GRIN2A: variants seen among roughly 807,000 people sequenced by gnomAD.
GRIN2A encodes the protein glutamate receptor ionotropic, NMDA 2A.
Under a neutral mutation model 113.4 loss-of-function variants are expected in GRIN2A, and 22 were observed. The ratio of observed to expected loss-of-function variants is 0.19; its 90% confidence interval spans 0.14 to 0.28. The LOEUF (loss-of-function observed/expected upper bound fraction) is 0.28. Among genes scored for constraint, GRIN2A ranks in the 10% least tolerant of loss-of-function variants. The pLI is 1.00. For synonymous variants in GRIN2A, 827 were observed against 738.4 expected (o/e 1.12, Z -1.94); for missense variants, 1,502 against 1,887.0 (o/e 0.80, Z 3.78).
intron 2 of GRIN2A, among the ~76,000 whole-genome samples, chr16:10,073,847 C>T (rs921934224): frequency 1.2e-4 from 17 of 143,932 alleles, no homozygotes; most frequent in Middle Eastern, 3.6e-3. Flanking sequence ...GCCTGGGAGG[C>T]GGAGGTTGCA....
chr16:9,787,579 G>A (rs1187307879), intron 11 of GRIN2A, among the ~76,000 whole-genome samples: 3 of 152,190 alleles, frequency 2.0e-5, no homozygotes, highest in Non-Finnish European at 2.9e-5. Context: ...CCTGGGTCAT[G>A]GCCCTCACAT....
At chr16:10,155,329 T>C (rs370618034) in intron 2 of GRIN2A, among the ~76,000 whole-genome samples, 62 of 152,276 alleles carry the variant, frequency 4.1e-4, no homozygotes, top group African/African-American at 1.4e-3. Flanking sequence ...AGAAAATGAA[T>C]ATCCTTGTTG....
At chr16:10,013,224 T>C (rs1193796397) in intron 2 of GRIN2A, among the ~76,000 whole-genome samples, 1 of 152,252 alleles carries the variant, frequency 6.6e-6, no homozygotes, top group Non-Finnish European at 1.5e-5. Context: ...ATTGGATTTT[T>C]ACAGCCTCTG....
Position 9,763,546 on chromosome 16 carries a change from G to T in GRIN2A, c.3998C>A (p.Ser1333Ter). The T allele has an allele frequency of 6.2e-7, 1 of 1,613,980 alleles. No individual in the cohort carries two copies. The highest frequency in any genetic ancestry group is 1.1e-5 in the South Asian group (1 of 91,070). ...NFYGSLFSVP[S>*]SKLSGKKSSL... ...GCTTTTTTTCCCCGAGAGTTTGCTT[G>T]AGGGGACACTAAACAGGCTGCCGTA... Residue 1333 changes from serine to a stop codon, truncating the protein, a stop_gained, in exon 13 of 13, where the codon TCA becomes TAA. Coordinates refer to ENST00000330684, the MANE Select transcript of GRIN2A (RefSeq NM_001134407.3). LOFTEE classifies it high-confidence loss of function.
At chr16:10,129,695 C>T (rs1442152007) in intron 2 of GRIN2A, among the ~76,000 whole-genome samples, 1 of 152,190 alleles carries the variant, frequency 6.6e-6, no homozygotes, top group Non-Finnish European at 1.5e-5. Flanking sequence ...GATTATGGTG[C>T]TCCTTCTAGG....
At chr16:9,992,493 T>C (rs2046137594) in intron 2 of GRIN2A, among the ~76,000 whole-genome samples, 1 of 152,206 alleles carries the variant, frequency 6.6e-6, no homozygotes, top group Admixed American at 6.5e-5. Context: ...GGCCAATATA[T>C]TTCTCAGTTC....
In GRIN2A at chr16:9,755,341, CA is replaced by C. The variant is rs1349187938; in HGVS notation, c.*7807del. 1 of 186,550 alleles carries C rather than the reference CA, an allele frequency of 5.4e-6. No individual in the cohort carries two copies. The highest frequency in any genetic ancestry group is 1.1e-5 in the Non-Finnish European group (1 of 88,320). The allele number at this position is 186,550 out of a possible 1,614,324, so 11.6% of individuals were successfully genotyped here. On this transcript the variant is annotated 3_prime_UTR_variant, in exon 13 of 13. Coordinates refer to ENST00000330684, the MANE Select transcript of GRIN2A (RefSeq NM_001134407.3). ...CGTTCTTTGGAGTGCTCCATTTCTG[CA>C]TAGCTCAACATTCCAAGGAGAACAT...
chr16:9,986,149 C>T (rs1479979394), intron 2 of GRIN2A, among the ~76,000 whole-genome samples: 1 of 151,894 alleles, frequency 6.6e-6, no homozygotes, highest in African/African-American at 2.4e-5. Context: ...AGCATTGTTC[C>T]TTCTGGCTGG....
Position 10,112,576 on chromosome 16 carries a change from A to T in GRIN2A, c.414+67422T>A, listed in dbSNP as rs899022670. On this transcript the variant is annotated intron_variant, in intron 2 of 12. Coordinates refer to ENST00000330684, the MANE Select transcript of GRIN2A (RefSeq NM_001134407.3). Reference sequence around the variant, plus strand: ...CCACCACGGAGGCCCAGCGGCGAGTACTTCTTCTCAGACAGGGTGCAGCTC... The same window carrying T: ...CCACCACGGAGGCCCAGCGGCGAGTTCTTCTTCTCAGACAGGGTGCAGCTC... The T allele has an allele frequency of 3.9e-6, 3 of 771,662 alleles. No homozygotes were observed. The African/African-American group carries it at 5.1e-5, about 13-fold the overall frequency. The allele number at this position is 771,662 out of a possible 1,614,324, so 47.8% of individuals were successfully genotyped here.
At chr16:9,840,291 C>G (rs1053348530) in intron 7 of GRIN2A, among the ~76,000 whole-genome samples, 1 of 151,994 alleles carries the variant, frequency 6.6e-6, no homozygotes, top group Non-Finnish European at 1.5e-5. Flanking sequence ...GGAAGAGCCC[C>G]TTATTAAACC....
At chr16:10,058,708 G>A (rs962107099) in intron 2 of GRIN2A, among the ~76,000 whole-genome samples, 1 of 152,186 alleles carries the variant, frequency 6.6e-6, no homozygotes, top group Non-Finnish European at 1.5e-5. Context: ...CCGTTTATGT[G>A]ATTTATATGT....
At chr16:9,830,802 T>C (rs2042478921) in intron 8 of GRIN2A, among the ~76,000 whole-genome samples, 1 of 152,256 alleles carries the variant, frequency 6.6e-6, no homozygotes, top group African/African-American at 2.4e-5. Flanking sequence ...AATTCTCTTA[T>C]TCTCAATCTC....
At chr16:9,999,487 C>T (rs1347136478) in intron 2 of GRIN2A, among the ~76,000 whole-genome samples, 1 of 152,062 alleles carries the variant, frequency 6.6e-6, no homozygotes, top group Non-Finnish European at 1.5e-5. Context: ...CAAACTAACA[C>T]AAGAACAGAA....
At chr16:9,812,723 T>C (rs979481415) in intron 10 of GRIN2A, among the ~76,000 whole-genome samples, 3 of 152,090 alleles carry the variant, frequency 2.0e-5, no homozygotes, top group Non-Finnish European at 4.4e-5. Flanking sequence ...AAACAAAGAA[T>C]TGCTTTGTGT....
intron 2 of GRIN2A, among the ~76,000 whole-genome samples, chr16:10,060,420 T>G (rs1159772295): frequency 6.6e-6 from 1 of 152,174 alleles, no homozygotes; most frequent in Non-Finnish European, 1.5e-5. Context: ...CTCAGCAAGA[T>G]TCAGAAACCT....
At chr16:9,843,808 C>T (rs575251698) in intron 5 of GRIN2A, among the ~76,000 whole-genome samples, 7 of 152,274 alleles carry the variant, frequency 4.6e-5, no homozygotes, top group Non-Finnish European at 1.0e-4. Context: ...ACTGTACAGT[C>T]ATGGGATATG....
intron 11 of GRIN2A, among the ~76,000 whole-genome samples, chr16:9,769,820 G>A (rs1901153193): frequency 6.6e-6 from 1 of 152,146 alleles, no homozygotes; most frequent in African/African-American, 2.4e-5. Context: ...CCTGGCCTGT[G>A]GCAATCCTCA....
At chr16:10,044,872 G>A (rs893058051) in intron 2 of GRIN2A, among the ~76,000 whole-genome samples, 5 of 151,954 alleles carry the variant, frequency 3.3e-5, no homozygotes, top group Non-Finnish European at 5.9e-5. Context: ...AGGGTACAAG[G>A]CGAGCATTCA....
chr16:10,044,022 T>TATAGAGAGAGAG (rs531659457), intron 2 of GRIN2A, among the ~76,000 whole-genome samples: 25 of 108,002 alleles, frequency 2.3e-4, no homozygotes, highest in East Asian at 8.0e-4. Flanking sequence ...TATATATATA[T>TATAGAGAGAGAG]AGAGAGAGAG....
Sources: gnomAD v4.1 joint callset for allele counts (sites outside exome capture counted in the v4.1 genomes callset) on GRCh38, gnomAD v4.1.1 for gene constraint, MANE v1.5 for transcripts, NCBI Gene and HGNC (gene_info 2026-07-23, HGNC 2026-07-21) for gene names.